DACH2: variants seen among roughly 807,000 people sequenced by gnomAD.
The protein encoded by DACH2 is dachshund homolog 2.
Under a neutral mutation model 35.8 loss-of-function variants are expected in DACH2, and 17 were observed. That is an observed-to-expected ratio of 0.48 (90% CI 0.33 to 0.71). DACH2 has a LOEUF of 0.71. DACH2 is among the 30% of genes least tolerant of loss of function. The pLI is 0.02. For missense variants in DACH2, 469 were observed against 472.7 expected (o/e 0.99, Z 0.07); for synonymous variants, 195 against 177.3 (o/e 1.10, Z -0.79).
chrX:86,579,141 G>C (rs1450233637), intron 3 of DACH2, among the ~76,000 whole-genome samples: 1 of 108,137 alleles, frequency 9.2e-6, no homozygotes, highest in African/African-American at 3.4e-5. Flanking sequence ...TGCCCAGGCT[G>C]GAGTGCAATG....
chrX:86,541,033 T>G (rs923367340), intron 3 of DACH2, among the ~76,000 whole-genome samples: 1 of 111,789 alleles, frequency 8.9e-6, no homozygotes, highest in Non-Finnish European at 1.9e-5. Flanking sequence ...AAAACCTACC[T>G]GTTACAAAAA....
At chrX:86,259,341 G>A (rs1383641170) in intron 1 of DACH2, among the ~76,000 whole-genome samples, 1 of 111,624 alleles carries the variant, frequency 9.0e-6, no homozygotes, top group African/African-American at 3.3e-5. Flanking sequence ...AGACAGTGCT[G>A]TATAAATAGA....
intron 5 of DACH2, among the ~76,000 whole-genome samples, chrX:86,705,231 G>A (rs766608664): frequency 2.8e-4 from 31 of 109,910 alleles, no homozygotes; most frequent in Admixed American, 8.8e-4. Flanking sequence ...TCATAAGCGA[G>A]AGGTAAGCTA....
chrX:86,197,244 A>G lies in DACH2; in HGVS notation c.488+48136A>G, dbSNP rs1357483436. 2.7e-5 allele frequency among the ~76,000 whole-genome samples: 3 copies of G among 111,758 alleles called. No individual in the cohort carries two copies. In the South Asian group the frequency reaches 1.1e-3, roughly 42 times the overall value. On this transcript the variant is annotated intron_variant, in intron 1 of 11. Transcript: ENST00000373125. ...ATTCGATACCAGCCAACTGCCTTAC[A>G]AAACCTCCTGAAGGAAGTACTAAAT...
intron 3 of DACH2, among the ~76,000 whole-genome samples, chrX:86,555,989 A>G (rs920122198): frequency 1.8e-5 from 2 of 111,820 alleles, no homozygotes; most frequent in South Asian, 7.4e-4. Flanking sequence ...TTCCCAACCA[A>G]TACAGAAACT....
At chrX:86,206,266 C>T (rs763322887) in intron 1 of DACH2, among the ~76,000 whole-genome samples, 1 of 101,282 alleles carries the variant, frequency 9.9e-6, no homozygotes, top group Non-Finnish European at 1.9e-5. Flanking sequence ...TTCACTGGGG[C>T]ATAGTCCAAA....
chrX:86,301,382 C>T (rs1444695630), intron 1 of DACH2, among the ~76,000 whole-genome samples: 4 of 111,567 alleles, frequency 3.6e-5, no homozygotes, highest in Admixed American at 9.6e-5. Flanking sequence ...AAGCCTTGCC[C>T]TTCTGCTTCA....
intron 1 of DACH2, among the ~76,000 whole-genome samples, chrX:86,255,808 A>G (rs1388091018): frequency 3.6e-5 from 4 of 112,275 alleles, no homozygotes; most frequent in Admixed American, 2.9e-4. Flanking sequence ...GAAGTTCTAT[A>G]TAAATCATGA....
chrX:86,597,947 G>T (rs1602684472), intron 3 of DACH2, among the ~76,000 whole-genome samples: 1 of 111,729 alleles, frequency 9.0e-6, no homozygotes, highest in Middle Eastern at 4.7e-3. Context: ...GTCCCACGTG[G>T]CTGGGGAGGC....
At chrX:86,697,926 T>C (rs910650508) in intron 5 of DACH2, among the ~76,000 whole-genome samples, 2 of 111,440 alleles carry the variant, frequency 1.8e-5, no homozygotes, top group Non-Finnish European at 3.8e-5. Flanking sequence ...GAAATAACAA[T>C]GACTGAGAGT....
chrX:86,601,005 A>G (rs2148358583), intron 3 of DACH2, among the ~76,000 whole-genome samples: 1 of 111,575 alleles, frequency 9.0e-6, no homozygotes, highest in Admixed American at 9.6e-5. Context: ...TAGAGATTAC[A>G]TGGAATCTAG....
At chrX:86,657,273 C>G (rs906999010) in intron 4 of DACH2, among the ~76,000 whole-genome samples, 3 of 110,564 alleles carry the variant, frequency 2.7e-5, no homozygotes, top group African/African-American at 9.8e-5. Context: ...TAACACAAAG[C>G]GTGAATGCTT....
intron 5 of DACH2, among the ~76,000 whole-genome samples, chrX:86,711,327 G>T (rs995854674): frequency 1.8e-5 from 2 of 111,670 alleles, no homozygotes; most frequent in African/African-American, 6.5e-5. Flanking sequence ...CGTGAGCCGA[G>T]ATCTCTCCAC....
intron 1 of DACH2, among the ~76,000 whole-genome samples, chrX:86,267,419 A>G (rs978218688): frequency 8.9e-6 from 1 of 112,182 alleles, no homozygotes; most frequent in Non-Finnish European, 1.9e-5. Context: ...CAAAATCTGA[A>G]AATTCAAAAT....
At chrX:86,651,014 A>G (rs774578996) in intron 3 of DACH2, 22 bp from the exon 4 acceptor site, 6 of 1,153,154 alleles carry the variant, frequency 5.2e-6, no homozygotes, top group Non-Finnish European at 6.9e-6. Context: ...AAATAAATGG[A>G]ATGGAATAAT....
At chrX:86,238,130 T>A (rs1301329059) in intron 1 of DACH2, among the ~76,000 whole-genome samples, 1 of 112,384 alleles carries the variant, frequency 8.9e-6, no homozygotes, top group Non-Finnish European at 1.9e-5. Flanking sequence ...CAATAATAAA[T>A]ATTTCACAGT....
At chrX:86,381,681 T>G (rs1463702589) in intron 2 of DACH2, among the ~76,000 whole-genome samples, 1 of 111,162 alleles carries the variant, frequency 9.0e-6, no homozygotes, top group Non-Finnish European at 1.9e-5. Flanking sequence ...TTCCTTTTCC[T>G]TGAAGCTGTA....
intron 7 of DACH2, among the ~76,000 whole-genome samples, chrX:86,776,751 C>A (rs2042036746): frequency 9.0e-6 from 1 of 110,870 alleles, no homozygotes; most frequent in South Asian, 3.9e-4. Context: ...CTCCACCCCA[C>A]AACAGGGCCC....
intron 3 of DACH2, among the ~76,000 whole-genome samples, chrX:86,583,672 G>C (rs1265327983): frequency 1.9e-5 from 2 of 107,414 alleles, no homozygotes; most frequent in African/African-American, 3.4e-5. Context: ...AGACCATACG[G>C]TTTTTCTTTT....
Sources: allele counts gnomAD v4.1 joint callset (sites outside exome capture counted in the v4.1 genomes callset), GRCh38; gene constraint gnomAD v4.1.1; transcripts MANE v1.5; gene names NCBI Gene and HGNC (gene_info 2026-07-23, HGNC 2026-07-21).